KCNU1: variants seen among roughly 807,000 people sequenced by gnomAD.
The protein encoded by KCNU1 is potassium channel subfamily U member 1.
Under a neutral mutation model 126.8 loss-of-function variants are expected in KCNU1, and 93 were observed. That is an observed-to-expected ratio of 0.73 (90% CI 0.62 to 0.87). The LOEUF (loss-of-function observed/expected upper bound fraction) is 0.87. Among genes scored for constraint, KCNU1 ranks in the 40% least tolerant of loss-of-function variants. The probability of loss-of-function intolerance (pLI) is 0.00; values close to 1 mark genes in which losing one functional copy is unlikely to be tolerated. For missense variants in KCNU1, 1,330 were observed against 1,367.1 expected, an observed-to-expected ratio of 0.97 and a Z score of 0.43; for synonymous variants, 523 against 494.2, an observed-to-expected ratio of 1.06 and a Z score of -0.77.
chr8:36,831,065 A>G (rs1422821985), intron 10 of KCNU1, among the ~76,000 whole-genome samples: 1 of 151,938 alleles, frequency 6.6e-6, no homozygotes, highest in East Asian at 1.9e-4. Context: ...AATTTCATCC[A>G]TGTCCCTACA....
chr8:36,839,950 T>C (rs2130572721), intron 14 of KCNU1, among the ~76,000 whole-genome samples: 1 of 152,324 alleles, frequency 6.6e-6, no homozygotes, highest in Middle Eastern at 3.4e-3. Flanking sequence ...ATTTCTCCAT[T>C]CTCTCTTCCA....
At chr8:36,784,775 G>T (rs1289943994) in intron 1 of KCNU1, among the ~76,000 whole-genome samples, 170 bp downstream of exon 1, 6 of 152,154 alleles carry the variant, frequency 3.9e-5, no homozygotes, top group Non-Finnish European at 8.8e-5. Context: ...GCCACATTCT[G>T]AGGCCTGAAG....
intron 1 of KCNU1, 119 bp downstream of exon 1, chr8:36,784,724 A>G: frequency 1.3e-6 from 1 of 787,128 alleles, no homozygotes; most frequent in Non-Finnish European, 2.0e-6. Flanking sequence ...GTCAGCTTCT[A>G]TAGCCTGGTG....
chr8:36,840,503 G>C lies in KCNU1; in HGVS notation c.1559G>C (p.Ser520Thr). ...ACCTGGAAGAAACACTTCTTGAATA[G>C]CATGAAAAACAAAATTCTGACCCAA... The part of the protein sequence containing the change: ...KQTWKKHFLN[S>T]MKNKILTQRL... The change falls in exon 15 of 27, where the codon AGC (serine) becomes ACC (threonine). Residue 520 changes from serine to threonine, a missense_variant. Ser to Thr is a moderately conservative substitution (Grantham distance 58). This residue lies in a region of KCNU1 where 1,054 missense variants were observed against 1,053.9 expected (regional missense o/e 1.00). Transcript: ENST00000399881. 6.2e-7 allele frequency: 1 copy of C among 1,611,800 alleles called. No homozygotes were observed. Among genetic ancestry groups the C allele is most frequent in the Non-Finnish European group, 8.5e-7 (1 of 1,178,338 alleles).
In KCNU1 at chr8:36,864,524, A is replaced by G; in HGVS notation, c.2009+3A>G. ...AGCATATCAAACTTCACCACCAGGT[A>G]AAAGCTGCAGAGAACCCTGGTCTCC... On this transcript the variant is annotated splice_donor_region_variant and intron_variant, in intron 19 of 26. Transcript: ENST00000399881. The G allele has an allele frequency of 3.8e-6, 6 of 1,566,254 alleles. No homozygotes were observed. Among genetic ancestry groups the G allele is most frequent in the Non-Finnish European group, 5.3e-6 (6 of 1,136,508 alleles).
At chr8:36,825,437 G>A (rs1479677513) in intron 10 of KCNU1, among the ~76,000 whole-genome samples, 1 of 152,074 alleles carries the variant, frequency 6.6e-6, no homozygotes, top group African/African-American at 2.4e-5. Context: ...TAAGTTTTAT[G>A]ACAAATTTCA....
intron 18 of KCNU1, among the ~76,000 whole-genome samples, chr8:36,862,120 A>G (rs1805752250): frequency 6.6e-6 from 1 of 152,192 alleles, no homozygotes; most frequent in Non-Finnish European, 1.5e-5. Context: ...GTGTTAGGAA[A>G]AATCCATTTC....
At chr8:36,911,628 C>A (rs2117536329) in intron 22 of KCNU1, among the ~76,000 whole-genome samples, 1 of 152,224 alleles carries the variant, frequency 6.6e-6, no homozygotes, top group South Asian at 2.1e-4. Context: ...TTTCTAACAG[C>A]TATAGACTAA....
At chr8:36,878,267 C>T (rs1407372449) in intron 19 of KCNU1, among the ~76,000 whole-genome samples, 2 of 151,978 alleles carry the variant, frequency 1.3e-5, no homozygotes, top group East Asian at 3.9e-4. Context: ...ATCAGAAAAA[C>T]TCTAAGGGAG....
At chr8:36,881,437 T>C (rs1160976279) in intron 19 of KCNU1, among the ~76,000 whole-genome samples, 1 of 152,088 alleles carries the variant, frequency 6.6e-6, no homozygotes, top group Non-Finnish European at 1.5e-5. Flanking sequence ...TTGCCCACTC[T>C]GATTTCAAAC....
At chr8:36,859,515 G>A (rs1044448801) in intron 18 of KCNU1, among the ~76,000 whole-genome samples, 5 of 152,126 alleles carry the variant, frequency 3.3e-5, no homozygotes, top group East Asian at 1.9e-4. Context: ...TGTGGTTGGC[G>A]AAAAACATGT....
chr8:36,852,181 T>C (rs992725872), intron 18 of KCNU1, among the ~76,000 whole-genome samples: 1 of 152,180 alleles, frequency 6.6e-6, no homozygotes, highest in African/African-American at 2.4e-5. Context: ...TTAATTGATA[T>C]CCAAATGTTA....
intron 23 of KCNU1, among the ~76,000 whole-genome samples, chr8:36,920,664 A>G (rs1808306032): frequency 2.0e-5 from 3 of 152,160 alleles, no homozygotes; most frequent in Admixed American, 6.5e-5. Context: ...TGAGGCCACT[A>G]GTTTAGGATG....
At chr8:36,924,503 A>G (rs1349529680) in intron 24 of KCNU1, among the ~76,000 whole-genome samples, 4 of 152,186 alleles carry the variant, frequency 2.6e-5, no homozygotes, top group Non-Finnish European at 1.5e-5. Context: ...ACACCCCATC[A>G]AGCTCTTAGA....
intron 16 of KCNU1, among the ~76,000 whole-genome samples, chr8:36,844,215 C>A (rs985911360): frequency 6.6e-6 from 1 of 151,920 alleles, no homozygotes; most frequent in Non-Finnish European, 1.5e-5. Context: ...TCCGTCTCTA[C>A]TAAAAATACA....
chr8:36,884,182 A>G (rs553027780), intron 19 of KCNU1, among the ~76,000 whole-genome samples: 1 of 150,912 alleles, frequency 6.6e-6, no homozygotes, highest in African/African-American at 2.5e-5. Flanking sequence ...GATAAGTTTC[A>G]TAATTAGGTT....
intron 19 of KCNU1, among the ~76,000 whole-genome samples, chr8:36,892,138 A>G (rs367631076): frequency 2.6e-5 from 4 of 152,092 alleles, no homozygotes; most frequent in East Asian, 1.9e-4. Context: ...GCTTCTGTGT[A>G]TATTTCTTCA....
At chr8:36,899,503 C>G (rs1807331881) in intron 19 of KCNU1, among the ~76,000 whole-genome samples, 1 of 152,002 alleles carries the variant, frequency 6.6e-6, no homozygotes, top group Non-Finnish European at 1.5e-5. Flanking sequence ...TTTCATATAC[C>G]TCCTTTTAAA....
chr8:36,867,671 A>G (rs1390401626), intron 19 of KCNU1, among the ~76,000 whole-genome samples: 3 of 152,318 alleles, frequency 2.0e-5, no homozygotes, highest in South Asian at 4.1e-4. Flanking sequence ...AACGCCACAG[A>G]AAATTCTCAA....
Sources: gnomAD v4.1 joint callset for allele counts (sites outside exome capture counted in the v4.1 genomes callset) on GRCh38, gnomAD v4.1.1 for gene constraint, gnomAD v4.1.1 regional missense constraint, MANE v1.5 for transcripts, NCBI Gene and HGNC (gene_info 2026-07-23, HGNC 2026-07-21) for gene names.